PTK2: variants seen among roughly 807,000 people sequenced by gnomAD.
PTK2 encodes protein tyrosine kinase 2, also known as focal adhesion kinase 1.
In PTK2, 45 loss-of-function variants were observed where a neutral mutation model predicts 150.1. The observed-to-expected ratio is 0.30, with a 90% CI of 0.24 to 0.38. PTK2 has a LOEUF of 0.38. PTK2 is among the 10% of genes least tolerant of loss of function. PTK2 has a pLI of 1.00. For missense variants in PTK2, 919 were observed against 1,307.3 expected (o/e 0.70, Z 4.58); for synonymous variants, 432 against 449.2 (o/e 0.96, Z 0.48).
intron 2 of PTK2, among the ~76,000 whole-genome samples, chr8:140,922,776 G>T (rs1199636184): frequency 6.6e-6 from 1 of 152,136 alleles, no homozygotes; most frequent in Admixed American, 6.6e-5. Flanking sequence ...TAAAGACAGG[G>T]TCATAGACTA....
exon 29 of PTK2, chr8:140,674,323 G>C: frequency 6.2e-7 from 1 of 1,607,404 alleles, no homozygotes; most frequent in Non-Finnish European, 8.5e-7. Flanking sequence ...GTAGCTGTCA[G>C]CAGGGCTGCT....
At chr8:140,789,353 AG>A (rs1375808266) in intron 14 of PTK2, 120 bp downstream of exon 14, 34 of 878,394 alleles carry the variant, frequency 3.9e-5, no homozygotes, top group Non-Finnish European at 5.4e-5. Context: ...AAATTTGGAT[AG>A]CCAGAATGCT....
At chr8:140,892,554 G>C (rs1032524743) in intron 2 of PTK2, 2 of 432,176 alleles carry the variant, frequency 4.6e-6, no homozygotes, top group Non-Finnish European at 9.0e-6. Context: ...TATCTGTCCA[G>C]CAAAGAAAAG....
intron 1 of PTK2, among the ~76,000 whole-genome samples, chr8:140,927,975 A>AAATATATATAT: frequency 4.4e-4 from 21 of 48,186 alleles, no homozygotes; most frequent in South Asian, 2.0e-3. Context: ...AAAAAAAAAA[A>AAATATATATAT]ATATATATAT....
In PTK2 at chr8:141,000,126, C is replaced by CACACACACACACACACACACACACA. The variant is rs1555522723; in HGVS notation, c.-122+998_-122+999insTGTGTGTGTGTGTGTGTGTGTGTGT. On this transcript the variant is annotated intron_variant, in intron 1 of 31. Transcript: ENST00000522684. ...ACACACACACACACACACACACACACCCCTTCTTCTAAGAAAGAACAGGAT... is the reference window on the plus strand; with the variant it reads ...ACACACACACACACACACACACACACACACACACACACACACACACACACACCCTTCTTCTAAGAAAGAACAGGAT... Among the ~76,000 whole-genome samples, 35 of 142,622 alleles carry CACACACACACACACACACACACACA rather than the reference C, an allele frequency of 2.5e-4. 2 individuals carry two copies. The highest frequency in any genetic ancestry group is 4.4e-4 in the African/African-American group (17 of 38,624). 93.6% of individuals were successfully genotyped at this position (142,622 alleles called of 152,430 possible). A position where few individuals can be genotyped will look rare whatever the true frequency, so the allele number is the denominator to read the frequency against.
chr8:140,673,343 T>C (rs1045027241), intron 29 of PTK2, among the ~76,000 whole-genome samples: 3 of 151,870 alleles, frequency 2.0e-5, no homozygotes, highest in Non-Finnish European at 4.4e-5. Context: ...CTCCTGACCT[T>C]GTGATCCGCC....
intron 2 of PTK2, among the ~76,000 whole-genome samples, chr8:140,906,604 T>TA (rs925848425): frequency 5.3e-5 from 8 of 151,938 alleles, no homozygotes; most frequent in East Asian, 1.9e-4. Flanking sequence ...AGTTAGGAGC[T>TA]AAAAAAAGTG....
intron 1 of PTK2, among the ~76,000 whole-genome samples, chr8:140,993,088 T>C (rs1053962990): frequency 5.3e-5 from 8 of 152,224 alleles, no homozygotes; most frequent in East Asian, 3.8e-4. Context: ...TCCTACAAGA[T>C]TGATTTCTAG....
intron 1 of PTK2, among the ~76,000 whole-genome samples, chr8:140,984,517 G>T (rs900697681): frequency 6.6e-6 from 1 of 152,142 alleles, no homozygotes; most frequent in Non-Finnish European, 1.5e-5. Flanking sequence ...TCCCTGGGTG[G>T]CATGTATGCA....
At chr8:140,946,537 A>C (rs2100177758) in intron 1 of PTK2, among the ~76,000 whole-genome samples, 1 of 152,112 alleles carries the variant, frequency 6.6e-6, no homozygotes, top group Non-Finnish European at 1.5e-5. Context: ...TAAAATCAAC[A>C]CCTAAAACAG....
intron 1 of PTK2, among the ~76,000 whole-genome samples, chr8:140,953,355 A>G (rs2100180138): frequency 6.6e-6 from 1 of 152,250 alleles, no homozygotes; most frequent in Non-Finnish European, 1.5e-5. Context: ...ACAATATGCC[A>G]GCATCACTAC....
intron 31 of PTK2, among the ~76,000 whole-genome samples, chr8:140,664,579 C>T (rs2086949124): frequency 2.0e-5 from 3 of 152,208 alleles, no homozygotes; most frequent in African/African-American, 7.2e-5. Context: ...AGGTTCATGG[C>T]ACCAGCAGCA....
rs191068656 is a variant in PTK2, at chr8:140,723,976, A to G, written c.2031-6267T>C. ...CTTCTTTTGGCCTGCAACATTCCCT[A>G]TACAACTTGATGGTGAGCAAGAAAG... On this transcript the variant is annotated intron_variant, in intron 22 of 31. Coordinates refer to ENST00000522684, the Ensembl canonical transcript of PTK2. Among the ~76,000 whole-genome samples the G allele has an allele frequency of 2.3e-4, 35 of 152,372 alleles. No individual in the cohort carries two copies. The East Asian group carries it at 6.7e-3, about 29-fold the overall frequency.
intron 25 of PTK2, among the ~76,000 whole-genome samples, chr8:140,701,862 C>T (rs1486189361): frequency 6.6e-6 from 1 of 151,928 alleles, no homozygotes; most frequent in African/African-American, 2.4e-5. Context: ...TGTGGTGGCT[C>T]AAGCCTGCAA....
At chr8:140,902,933 T>TTG (rs2100159195) in intron 2 of PTK2, among the ~76,000 whole-genome samples, 4 of 108,780 alleles carry the variant, frequency 3.7e-5, no homozygotes, top group Non-Finnish European at 7.6e-5. Context: ...TGTTTTTTTT[T>TTG]TTTTTTTTTT....
At chr8:140,810,859 A>AGG (rs2100101101) in intron 10 of PTK2, among the ~76,000 whole-genome samples, 1 of 152,198 alleles carries the variant, frequency 6.6e-6, no homozygotes, top group Non-Finnish European at 1.5e-5. Context: ...CTATGCTTAC[A>AGG]GTGCACAGGG....
At chr8:140,848,263 A>G (rs919646479) in intron 5 of PTK2, among the ~76,000 whole-genome samples, 1 of 152,212 alleles carries the variant, frequency 6.6e-6, no homozygotes, top group Non-Finnish European at 1.5e-5. Flanking sequence ...AGGAATTTAT[A>G]ACCTAATATG....
At chr8:140,861,631 G>A (rs952370496) in intron 5 of PTK2, among the ~76,000 whole-genome samples, 5 of 152,064 alleles carry the variant, frequency 3.3e-5, no homozygotes, top group African/African-American at 1.2e-4. Context: ...AATATCACTG[G>A]GCAATTATAT....
intron 7 of PTK2, among the ~76,000 whole-genome samples, chr8:140,836,939 C>T (rs1381002959): frequency 6.6e-6 from 1 of 152,172 alleles, no homozygotes; most frequent in African/African-American, 2.4e-5. Context: ...AAAATAATTT[C>T]ACATTATAGT....
Sources: gnomAD v4.1 joint callset for allele counts (sites outside exome capture counted in the v4.1 genomes callset) on GRCh38, gnomAD v4.1.1 for gene constraint, MANE v1.5 for transcripts, NCBI Gene and HGNC (gene_info 2026-07-23, HGNC 2026-07-21) for gene names.